The following CDKAL1 variants were observed in gnomAD, a reference collection of about 807,000 sequenced individuals.
The protein encoded by CDKAL1 is threonylcarbamoyladenosine tRNA methylthiotransferase.
In CDKAL1, 32 loss-of-function variants were observed where a neutral mutation model predicts 68.2. That is an observed-to-expected ratio of 0.47 (90% CI 0.35 to 0.63). The LOEUF (loss-of-function observed/expected upper bound fraction) is 0.63. Among genes scored for constraint, CDKAL1 ranks in the 30% least tolerant of loss-of-function variants. The pLI, the probability that CDKAL1 is intolerant of heterozygous loss-of-function variation, is 0.00. For missense variants in CDKAL1, 606 were observed against 696.7 expected, an observed-to-expected ratio of 0.87 and a Z score of 1.47; for synonymous variants, 234 against 244.3, an observed-to-expected ratio of 0.96 and a Z score of 0.39.
chr6:20,837,680 T>C (rs1317745405), intron 8 of CDKAL1, among the ~76,000 whole-genome samples: 1 of 151,952 alleles, frequency 6.6e-6, no homozygotes, highest in African/African-American at 2.4e-5. Flanking sequence ...CAGACGAGTG[T>C]TAACTATTAA....
At chr6:20,849,416 T>C (rs140046684) in intron 9 of CDKAL1, among the ~76,000 whole-genome samples, 2,059 of 152,048 alleles carry the variant, frequency 0.014, 32 homozygotes, top group African/African-American at 0.047. Context: ...ACCCCGTCTC[T>C]ACTAAAACTA....
chr6:20,839,757 G>A (rs1421748644), intron 8 of CDKAL1, among the ~76,000 whole-genome samples: 2 of 152,040 alleles, frequency 1.3e-5, no homozygotes, highest in African/African-American at 2.4e-5. Context: ...CTCGATTCCT[G>A]ACTTCCATTT....
chr6:20,597,295 A>T (rs970463961), intron 4 of CDKAL1, among the ~76,000 whole-genome samples: 1 of 150,570 alleles, frequency 6.6e-6, no homozygotes, highest in African/African-American at 2.4e-5. Flanking sequence ...CGCCTTGCTA[A>T]TTTTTTGTAT....
At chr6:21,133,479 G>A (rs965033261) in intron 13 of CDKAL1, among the ~76,000 whole-genome samples, 2 of 152,132 alleles carry the variant, frequency 1.3e-5, no homozygotes, top group African/African-American at 4.8e-5. Flanking sequence ...TGTTCTTGGC[G>A]TTTTCTGCCT....
intron 5 of CDKAL1, among the ~76,000 whole-genome samples, chr6:20,730,702 G>T (rs1772879350): frequency 6.6e-6 from 1 of 151,784 alleles, no homozygotes; most frequent in South Asian, 2.1e-4. Context: ...AAAATTAGCT[G>T]GGTGTGGTGG....
chr6:20,591,089 G>T (rs1343290533), intron 4 of CDKAL1, among the ~76,000 whole-genome samples: 1 of 152,116 alleles, frequency 6.6e-6, no homozygotes, highest in Non-Finnish European at 1.5e-5. Flanking sequence ...GTTTTGATTT[G>T]CATTTCTCCA....
At chr6:21,202,759 G>A (rs1011556360) in intron 15 of CDKAL1, among the ~76,000 whole-genome samples, 2 of 152,040 alleles carry the variant, frequency 1.3e-5, no homozygotes, top group Non-Finnish European at 1.5e-5. Flanking sequence ...CCCTCTATTC[G>A]TTCCTTAACT....
chr6:20,682,501 A>G (rs986041805), intron 5 of CDKAL1, among the ~76,000 whole-genome samples: 2 of 152,174 alleles, frequency 1.3e-5, no homozygotes, highest in Non-Finnish European at 2.9e-5. Flanking sequence ...AGCAGGCACA[A>G]TCTTCACATG....
intron 15 of CDKAL1, among the ~76,000 whole-genome samples, chr6:21,223,113 C>CT (rs777829558): frequency 2.6e-5 from 4 of 152,162 alleles, no homozygotes; most frequent in Non-Finnish European, 4.4e-5. Flanking sequence ...ACCATTACCT[C>CT]TGTGAGGTGC....
At chr6:20,862,542 CAA>C (rs1333916815) in intron 9 of CDKAL1, among the ~76,000 whole-genome samples, 6 of 151,986 alleles carry the variant, frequency 3.9e-5, no homozygotes, top group Non-Finnish European at 7.4e-5. Context: ...AATGATATAA[CAA>C]GAGAGCAAGG....
intron 5 of CDKAL1, among the ~76,000 whole-genome samples, chr6:20,733,699 C>G (rs185535307): frequency 1.3e-5 from 2 of 152,144 alleles, no homozygotes; most frequent in African/African-American, 4.8e-5. Flanking sequence ...ATCTGGAGAT[C>G]TTGGGTGCTC....
intron 9 of CDKAL1, among the ~76,000 whole-genome samples, chr6:20,891,801 G>T (rs913899214): frequency 2.6e-5 from 4 of 152,138 alleles, no homozygotes; most frequent in Admixed American, 6.5e-5. Flanking sequence ...CCAAAATGCT[G>T]GGATTACAGG....
At chr6:20,978,423 G>A (rs758325446) in intron 10 of CDKAL1, among the ~76,000 whole-genome samples, 1 of 152,150 alleles carries the variant, frequency 6.6e-6, no homozygotes, top group African/African-American at 2.4e-5. Flanking sequence ...TCAAAATTTG[G>A]TTCTTTTATT....
intron 10 of CDKAL1, among the ~76,000 whole-genome samples, chr6:20,965,177 T>TG (rs1765241563): frequency 6.6e-6 from 1 of 152,084 alleles, no homozygotes; most frequent in Admixed American, 6.6e-5. Flanking sequence ...CTTGGTATGG[T>TG]GGCACACATC....
chr6:21,192,979 G>T (rs1449915431), intron 13 of CDKAL1, among the ~76,000 whole-genome samples: 1 of 151,886 alleles, frequency 6.6e-6, no homozygotes, highest in Non-Finnish European at 1.5e-5. Flanking sequence ...ACCACACCCT[G>T]CTAATTTTTT....
chr6:20,966,231 T>C (rs1177331207), intron 10 of CDKAL1, among the ~76,000 whole-genome samples: 1 of 152,250 alleles, frequency 6.6e-6, no homozygotes, highest in Non-Finnish European at 1.5e-5. Flanking sequence ...TTAGGTCTGA[T>C]GTACATCTGT....
intron 8 of CDKAL1, among the ~76,000 whole-genome samples, chr6:20,845,734 T>C (rs1778352901): frequency 6.6e-6 from 1 of 152,210 alleles, no homozygotes; most frequent in African/African-American, 2.4e-5. Context: ...CAAAGTAATG[T>C]CAGTAGTTTA....
At chr6:21,167,284 T>G (rs1479820399) in intron 13 of CDKAL1, among the ~76,000 whole-genome samples, 1 of 152,184 alleles carries the variant, frequency 6.6e-6, no homozygotes, top group Non-Finnish European at 1.5e-5. Flanking sequence ...TCTAAAATAT[T>G]TCTGCCAAAG....
chr6:20,602,664 C>T (rs1766155487), intron 4 of CDKAL1, among the ~76,000 whole-genome samples: 1 of 152,140 alleles, frequency 6.6e-6, no homozygotes, highest in Non-Finnish European at 1.5e-5. Context: ...ACTTGCCTAC[C>T]TCTTGCCTTT....
Sources: gnomAD v4.1 joint callset for allele counts (sites outside exome capture counted in the v4.1 genomes callset) on GRCh38, gnomAD v4.1.1 for gene constraint, MANE v1.5 for transcripts, NCBI Gene and HGNC (gene_info 2026-07-23, HGNC 2026-07-21) for gene names.